LMBRD1: variants seen among roughly 807,000 people sequenced by gnomAD.
LMBRD1 encodes the protein LMBR1 domain containing 1.
Under a neutral mutation model 74.8 loss-of-function variants are expected in LMBRD1, and 64 were observed. The ratio of observed to expected loss-of-function variants is 0.86; its 90% CI spans 0.70 to 1.05. LMBRD1 has a LOEUF of 1.05. LMBRD1 is among the 50% of genes least tolerant of loss of function. The probability of loss-of-function intolerance (pLI) is 0.00; values close to 1 mark genes in which losing one functional copy is unlikely to be tolerated. For missense variants in LMBRD1, 652 were observed against 645.9 expected (o/e 1.01, Z -0.10); for synonymous variants, 204 against 216.3 (o/e 0.94, Z 0.50).
At chr6:69,767,974 T>G (rs1203223726) in intron 3 of LMBRD1, among the ~76,000 whole-genome samples, 1 of 151,958 alleles carries the variant, frequency 6.6e-6, no homozygotes, top group Non-Finnish European at 1.5e-5. Context: ...TTAAAGTCTA[T>G]TTTATTTGAT....
rs146341751 is a variant in LMBRD1 at position 69,717,474 on chromosome 6, T to G, written c.762+1482A>C. Among the ~76,000 whole-genome samples the G allele has an allele frequency of 3.3e-3, 500 of 152,304 alleles. 4 individuals carry two copies. Among genetic ancestry groups the G allele is most frequent in the Non-Finnish European group, 4.7e-3 (321 of 68,012 alleles). On this transcript the variant is annotated intron_variant, in intron 8 of 15. Coordinates refer to ENST00000649934, the MANE Select transcript of LMBRD1 (RefSeq NM_018368.4). Reference sequence around the variant, plus strand: ...GGCTTCCTTTCCATATTTTCTTATCTTTATTTTGAAAAGACTTTTTAAAAA... The same window carrying G: ...GGCTTCCTTTCCATATTTTCTTATCGTTATTTTGAAAAGACTTTTTAAAAA...
chr6:69,747,000 G>T (rs1171963223), intron 5 of LMBRD1: 4 of 147,982 alleles, frequency 2.7e-5, no homozygotes, highest in African/African-American at 1.0e-4. Context: ...AAGAAGGAGG[G>T]ACCTAGGGAG....
chr6:69,778,869 G>A (rs1230583181), intron 3 of LMBRD1, among the ~76,000 whole-genome samples: 1 of 152,050 alleles, frequency 6.6e-6, no homozygotes. Context: ...TTAGGATAAA[G>A]GCAAAGGAGC....
Position 69,674,245 on chromosome 6 carries a change from T to C in LMBRD1, c.*1913A>G, listed in dbSNP as rs549402495. ...TGGGCTTCACGCAATAGCCTCATTT[T>C]ACTTTAATTACTTTTAAAAGGCCCT... On this transcript the variant is annotated 3_prime_UTR_variant, in exon 16 of 16. Coordinates refer to ENST00000649934, the MANE Select transcript of LMBRD1 (RefSeq NM_018368.4). Among the ~76,000 whole-genome samples, 6 of 152,360 alleles carry C rather than the reference T, an allele frequency of 3.9e-5. No homozygotes were observed. The East Asian group carries it at 9.6e-4, about 24-fold the overall frequency.
intron 14 of LMBRD1, among the ~76,000 whole-genome samples, chr6:69,677,189 T>C (rs1765563742): frequency 1.3e-5 from 2 of 152,130 alleles, no homozygotes. Flanking sequence ...TGGACAAAAG[T>C]GTATAACCAA....
intron 8 of LMBRD1, among the ~76,000 whole-genome samples, chr6:69,718,324 G>T (rs997913054): frequency 1.8e-4 from 27 of 152,064 alleles, no homozygotes; most frequent in Admixed American, 1.7e-3. Flanking sequence ...CTGAGAACTA[G>T]TAAGTTCTTG....
chr6:69,765,831 T>A (rs1413365890), intron 3 of LMBRD1, among the ~76,000 whole-genome samples: 1 of 152,124 alleles, frequency 6.6e-6, no homozygotes, highest in East Asian at 1.9e-4. Context: ...AGAAATCTTA[T>A]GCTTTTTTGT....
At chr6:69,699,629 ACT>A (rs1452612856) in intron 12 of LMBRD1, among the ~76,000 whole-genome samples, 1 of 151,792 alleles carries the variant, frequency 6.6e-6, no homozygotes, top group Non-Finnish European at 1.5e-5. Context: ...TTTATGAAAA[ACT>A]CTGATAATCT....
intron 9 of LMBRD1, among the ~76,000 whole-genome samples, chr6:69,709,926 T>C (rs1766346723): frequency 6.6e-6 from 1 of 152,178 alleles, no homozygotes; most frequent in Admixed American, 6.5e-5. Context: ...ATGGATAGAA[T>C]ATATCAATTC....
chr6:69,713,052 A>C (rs1046702936), intron 9 of LMBRD1, among the ~76,000 whole-genome samples: 13 of 152,136 alleles, frequency 8.5e-5, no homozygotes, highest in Non-Finnish European at 1.9e-4. Flanking sequence ...AAGTGGGAGG[A>C]AACACCAGTA....
chr6:69,694,343 C>T (rs1765950373), intron 14 of LMBRD1, among the ~76,000 whole-genome samples: 1 of 152,114 alleles, frequency 6.6e-6, no homozygotes, highest in African/African-American at 2.4e-5. Context: ...AAACAAATTA[C>T]AAACCAATTA....
At chr6:69,685,775 T>C (rs1765751118) in intron 14 of LMBRD1, among the ~76,000 whole-genome samples, 1 of 152,150 alleles carries the variant, frequency 6.6e-6, no homozygotes, top group Admixed American at 6.6e-5. Flanking sequence ...CACTCCAGCC[T>C]GGGTGACAAG....
intron 9 of LMBRD1, 21 bp from the exon 10 acceptor site, chr6:69,701,974 A>AT: frequency 1.4e-6 from 2 of 1,422,568 alleles, no homozygotes; most frequent in Non-Finnish European, 2.0e-6. Context: ...AAATATATTC[A>AT]TTAAAATATA....
chr6:69,688,488 T>C (rs1404927470), intron 14 of LMBRD1, among the ~76,000 whole-genome samples: 2 of 151,644 alleles, frequency 1.3e-5, no homozygotes, highest in African/African-American at 4.8e-5. Flanking sequence ...GAAGTTCAAG[T>C]AGAAAGACAT....
chr6:69,773,375 C>T (rs187365398), intron 3 of LMBRD1, among the ~76,000 whole-genome samples: 2 of 152,246 alleles, frequency 1.3e-5, no homozygotes, highest in African/African-American at 2.4e-5. Context: ...TTACAAATTA[C>T]CAAGTTTTGA....
chr6:69,699,209 G>A lies in LMBRD1; in HGVS notation c.1189-17C>T, dbSNP rs377239188. ...TTTATATAACTGGAAAGAAAAGAGT[G>A]ACAAAATTTCAGCAATATATTTCAT... is the stretch of plus-strand genomic sequence containing the variant. On this transcript the variant is annotated splice_polypyrimidine_tract_variant and intron_variant, in intron 12 of 15. Coordinates refer to ENST00000649934, the MANE Select transcript of LMBRD1 (RefSeq NM_018368.4). The A allele has an allele frequency of 8.7e-6, 14 of 1,607,064 alleles. No individual in the cohort carries two copies. The highest frequency in any genetic ancestry group is 9.4e-6 in the Non-Finnish European group (11 of 1,174,386).
chr6:69,788,313 A>T (rs1485392372), intron 2 of LMBRD1, among the ~76,000 whole-genome samples: 2 of 152,120 alleles, frequency 1.3e-5, no homozygotes, highest in Non-Finnish European at 2.9e-5. Flanking sequence ...TATACATCAG[A>T]ATACACACAT....
intron 5 of LMBRD1, among the ~76,000 whole-genome samples, chr6:69,747,534 C>T (rs564872062): frequency 1.3e-5 from 2 of 152,316 alleles, no homozygotes; most frequent in East Asian, 1.9e-4. Context: ...CCCATTCCTT[C>T]GAATCTCAAC....
At chr6:69,679,682 G>A (rs1282649025) in intron 14 of LMBRD1, among the ~76,000 whole-genome samples, 1 of 152,086 alleles carries the variant, frequency 6.6e-6, no homozygotes. Flanking sequence ...CATGGTGAAC[G>A]AAGAGCCCAG....
Sources: allele counts gnomAD v4.1 joint callset (sites outside exome capture counted in the v4.1 genomes callset), GRCh38; gene constraint gnomAD v4.1.1; transcripts MANE v1.5; gene names NCBI Gene and HGNC (gene_info 2026-07-23, HGNC 2026-07-21).